The following ANKRD36 variants were observed in gnomAD, a reference collection of about 807,000 sequenced individuals.
ANKRD36 encodes ankyrin repeat domain 36, also known as ankyrin repeat domain-containing protein 36A.
Under a neutral mutation model 278.1 loss-of-function variants are expected in ANKRD36, and 179 were observed. The ratio of observed to expected loss-of-function variants is 0.64; its 90% CI spans 0.57 to 0.73. The LOEUF is 0.73. Among genes scored for constraint, ANKRD36 ranks in the 30% least tolerant of loss-of-function variants. The pLI is 0.00. For synonymous variants in ANKRD36, 320 were observed against 641.1 expected, an observed-to-expected ratio of 0.50 and a Z score of 7.57; for missense variants, 1,159 against 1,956.7, an observed-to-expected ratio of 0.59 and a Z score of 7.69.
chr2:97,211,663 A>G lies in ANKRD36; in HGVS notation c.3397-6A>G, dbSNP rs1290497425. 4 of 1,592,822 alleles carry G rather than the reference A, an allele frequency of 2.5e-6. No individual in the cohort carries two copies. The highest frequency in any genetic ancestry group is 1.4e-5 in the African/African-American group (1 of 74,020). ...TATTGACTGTTTTGTTTCAAATTCT[A>G]TTCAGGCTATCTGTGACAAGGAAGA... On this transcript the variant is annotated splice_polypyrimidine_tract_variant and splice_region_variant and intron_variant, in intron 57 of 75. Coordinates refer to ENST00000420699, the MANE Select transcript of ANKRD36 (RefSeq NM_001354587.1).
In ANKRD36 at chr2:97,233,754, G is replaced by T. The variant is rs1227544170; in HGVS notation, c.3976G>T (p.Asp1326Tyr). 2 of 1,500,878 alleles carry T rather than the reference G, an allele frequency of 1.3e-6. No homozygotes were observed. The highest frequency in any genetic ancestry group is 2.9e-5 in the African/African-American group (2 of 69,970). The allele number at this position is 1,500,878 out of a possible 1,614,324, so 93.0% of individuals were successfully genotyped here. A position where few individuals can be genotyped will look rare whatever the true frequency, so the allele number is the denominator to read the frequency against. Reference sequence around the variant, plus strand: ...GGTGAAAAACCAAATACATTCTAGGGATGACCTTGATGACATAATTCAGTC... The same window carrying T: ...GGTGAAAAACCAAATACATTCTAGGTATGACCTTGATGACATAATTCAGTC... Reference protein sequence around the residue: ...PQVKNQIHSRDDLDDIIQSSQ... With the variant: ...PQVKNQIHSRYDLDDIIQSSQ... The change falls in exon 68 of 76, where the codon GAT becomes TAT. Residue 1326 changes from aspartate to tyrosine, a missense_variant. Coordinates refer to ENST00000420699, the MANE Select transcript of ANKRD36 (RefSeq NM_001354587.1).
chr2:97,204,522 G>A (rs535965865), intron 50 of ANKRD36, among the ~76,000 whole-genome samples: 2 of 151,456 alleles, frequency 1.3e-5, no homozygotes, highest in East Asian at 2.0e-4. Context: ...AAGGGGCTCC[G>A]GGGAACAACA....
chr2:97,183,423 A>G lies in ANKRD36; in HGVS notation c.1838-36A>G, dbSNP rs1423335623. ...ATGTATGGATGACTTTGTCATATTT[A>G]CATATGATGGATTATATATTTCTTT... On this transcript the variant is annotated intron_variant, in intron 26 of 75. Transcript: ENST00000420699. The G allele has an allele frequency of 4.6e-6, 7 of 1,534,792 alleles. No individual in the cohort carries two copies. The Admixed American group carries it at 7.8e-5, about 17-fold the overall frequency.
intron 72 of ANKRD36, chr2:97,248,476 A>G (rs1178259291): frequency 8.8e-6 from 1 of 113,868 alleles, no homozygotes; most frequent in Non-Finnish European, 1.5e-5. Context: ...TGGGAGAGTC[A>G]ATAAGATCCT....
In ANKRD36 at chr2:97,213,623, G is replaced by T; in HGVS notation, c.3571+9G>T. 1.8e-6 allele frequency: 1 copy of T among 555,342 alleles called. No homozygotes were observed. The highest frequency in any genetic ancestry group is 2.2e-5 in the South Asian group (1 of 45,724). The allele number at this position is 555,342 out of a possible 1,614,324, so 34.4% of individuals were successfully genotyped here. ...ACAACAATCTGGAACAGGTAATTTT[G>T]CAAAACACATTTAATGTCATGTTCA... On this transcript the variant is annotated intron_variant, in intron 60 of 75. Transcript: ENST00000420699.
chr2:97,217,089 A>T (rs2066140234), intron 62 of ANKRD36, 88 bp from the exon 63 acceptor site: 1 of 1,544,162 alleles, frequency 6.5e-7, no homozygotes, highest in Non-Finnish European at 8.7e-7. Context: ...AGGCAGAAGG[A>T]TACAGCTTGA....
At chr2:97,117,521 A>T (rs1463150011) in intron 1 of ANKRD36, among the ~76,000 whole-genome samples, 1 of 152,094 alleles carries the variant, frequency 6.6e-6, no homozygotes, top group Non-Finnish European at 1.5e-5. Context: ...AGATGTTAAT[A>T]TATAAGAGAA....
intron 56 of ANKRD36, among the ~76,000 whole-genome samples, chr2:97,210,484 C>T (rs570912014): frequency 1.3e-5 from 2 of 151,808 alleles, no homozygotes; most frequent in Non-Finnish European, 2.9e-5. Context: ...AAGCAGGAAA[C>T]AATGGTATAA....
chr2:97,231,048 T>C (rs1409754247), intron 67 of ANKRD36, among the ~76,000 whole-genome samples: 3 of 152,114 alleles, frequency 2.0e-5, no homozygotes, highest in African/African-American at 7.2e-5. Flanking sequence ...AGTCTGCCCC[T>C]ACCTGGGGGT....
At chr2:97,216,065 A>G (rs1012368727) in intron 62 of ANKRD36, among the ~76,000 whole-genome samples, 2 of 151,846 alleles carry the variant, frequency 1.3e-5, no homozygotes, top group African/African-American at 2.4e-5. Flanking sequence ...GAATATTTGC[A>G]TAAAAGAATA....
At chr2:97,197,464 A>G (rs2060093187) in intron 42 of ANKRD36, among the ~76,000 whole-genome samples, 1 of 151,950 alleles carries the variant, frequency 6.6e-6, no homozygotes, top group African/African-American at 2.4e-5. Context: ...GTTAGACATC[A>G]GAGATATATG....
At chr2:97,125,789 A>G (rs1489468698) in intron 5 of ANKRD36, among the ~76,000 whole-genome samples, 1 of 151,974 alleles carries the variant, frequency 6.6e-6, no homozygotes, top group Non-Finnish European at 1.5e-5. Context: ...TCTATTTCAC[A>G]GGAAGCCATT....
intron 6 of ANKRD36, among the ~76,000 whole-genome samples, chr2:97,130,349 A>G (rs2039785236): frequency 6.6e-6 from 1 of 151,480 alleles, no homozygotes; most frequent in African/African-American, 2.4e-5. Context: ...GGCAAGGACA[A>G]AAAACCAAAC....
At chr2:97,179,592 C>A (rs1026756312) in intron 22 of ANKRD36, 146 bp from the exon 23 acceptor site, 2 of 845,786 alleles carry the variant, frequency 2.4e-6, no homozygotes, top group Non-Finnish European at 3.5e-6. Flanking sequence ...TGTTTAGTCC[C>A]AAGAAACAAA....
At chr2:97,199,105 A>C (rs1403346895) in intron 44 of ANKRD36, among the ~76,000 whole-genome samples, 1 of 151,922 alleles carries the variant, frequency 6.6e-6, no homozygotes, top group Non-Finnish European at 1.5e-5. Flanking sequence ...TATTTTCCTA[A>C]GGAAGATGGA....
At chr2:97,194,227 G>C (rs2059169931) in intron 38 of ANKRD36, among the ~76,000 whole-genome samples, 1 of 151,658 alleles carries the variant, frequency 6.6e-6, no homozygotes, top group African/African-American at 2.4e-5. Context: ...CCACTGAAGA[G>C]ATGTGAAGTG....
intron 11 of ANKRD36, among the ~76,000 whole-genome samples, chr2:97,147,661 A>C (rs1370348553): frequency 4.6e-5 from 7 of 151,972 alleles, no homozygotes; most frequent in African/African-American, 9.7e-5. Context: ...TTTTAGAAAG[A>C]GGGAGTGGCT....
intron 66 of ANKRD36, among the ~76,000 whole-genome samples, 190 bp from the exon 67 acceptor site, chr2:97,224,616 A>AT (rs1197409858): frequency 1.3e-5 from 2 of 152,060 alleles, no homozygotes; most frequent in African/African-American, 4.8e-5. Flanking sequence ...CGCCCAGCTA[A>AT]TTTTTTGTAT....
chr2:97,155,829 A>G (rs1373858107), intron 15 of ANKRD36, among the ~76,000 whole-genome samples: 1 of 146,752 alleles, frequency 6.8e-6, no homozygotes, highest in South Asian at 2.1e-4. Context: ...CACCCAGAAT[A>G]ATGTCTTGCA....
Sources: allele counts gnomAD v4.1 joint callset (sites outside exome capture counted in the v4.1 genomes callset), GRCh38; gene constraint gnomAD v4.1.1; transcripts MANE v1.5; gene names NCBI Gene and HGNC (gene_info 2026-07-23, HGNC 2026-07-21).